The following HEPH variants were observed in gnomAD, a reference collection of about 807,000 sequenced individuals.
HEPH encodes the protein hephaestin.
HEPH carries 69 observed loss-of-function variants against 80.8 expected under a neutral mutation model. The observed-to-expected ratio is 0.85, with a 90% CI of 0.70 to 1.04. The LOEUF (loss-of-function observed/expected upper bound fraction) is 1.04. Ranked by LOEUF, HEPH falls within the 50% of genes least tolerant of loss-of-function variation. The probability of loss-of-function intolerance (pLI) is 0.00; values close to 1 mark genes in which losing one functional copy is unlikely to be tolerated. For missense variants in HEPH, 1,115 were observed against 891.3 expected, an observed-to-expected ratio of 1.25 and a Z score of -3.20; for synonymous variants, 431 against 322.8, an observed-to-expected ratio of 1.34 and a Z score of -3.60.
At position 66,170,710 on chromosome X, in the gene HEPH, T is replaced by A; in HGVS notation, c.140T>A (p.Ile47Asn). 1 of 1,210,122 alleles carries A rather than the reference T, an allele frequency of 8.3e-7. No homozygotes were observed. The highest frequency in any genetic ancestry group is 1.7e-5 in the African/African-American group (1 of 57,780). The part of the protein sequence containing the change: ...WNYAPKGRNV[I>N]TNQPLDSDIV... Reference sequence around the variant, plus strand: ...TATGCTCCCAAGGGAAGAAATGTCATCACGAACCAGCCTCTGGACAGTGAC... The same window carrying A: ...TATGCTCCCAAGGGAAGAAATGTCAACACGAACCAGCCTCTGGACAGTGAC... The change falls in exon 2 of 21, where the codon ATC becomes AAC. Residue 47 changes from isoleucine to asparagine, a missense_variant. This residue lies in a region of HEPH where 391 missense variants were observed against 343.6 expected (regional missense o/e 1.14). Transcript: ENST00000343002.
At chrX:66,181,599 G>T (rs1182575627) in intron 4 of HEPH, among the ~76,000 whole-genome samples, 4 of 9,171 alleles carry the variant, frequency 4.4e-4, no homozygotes, top group African/African-American at 1.5e-3. Flanking sequence ...CTGGATATTA[G>T]CCCTTTGTCA....
chrX:66,233,048 C>G (rs1020248493), intron 15 of HEPH, among the ~76,000 whole-genome samples: 4 of 110,617 alleles, frequency 3.6e-5, no homozygotes, highest in African/African-American at 1.3e-4. Context: ...TGATTATGAT[C>G]TAAGCAAAAA....
chrX:66,255,799 G>A (rs2091160008), intron 16 of HEPH, among the ~76,000 whole-genome samples: 1 of 111,373 alleles, frequency 9.0e-6, no homozygotes, highest in Admixed American at 9.5e-5. Flanking sequence ...ATGATGGAGA[G>A]GGCATTGCAG....
intron 20 of HEPH, 85 bp from the exon 21 acceptor site, chrX:66,266,355 G>GT (rs762091505): frequency 2.8e-6 from 2 of 707,224 alleles, no homozygotes; most frequent in South Asian, 5.3e-5. Context: ...GGATTGACTT[G>GT]TTTTTTTCAG....
intron 9 of HEPH, among the ~76,000 whole-genome samples, chrX:66,196,836 A>G (rs762936917): frequency 3.6e-5 from 4 of 109,830 alleles, no homozygotes; most frequent in Admixed American, 9.7e-5. Flanking sequence ...TATTGCATAT[A>G]TTATTCTACT....
chrX:66,257,645 C>T (rs780533270), intron 17 of HEPH, among the ~76,000 whole-genome samples: 1 of 112,191 alleles, frequency 8.9e-6, no homozygotes, highest in African/African-American at 3.2e-5. Context: ...GAGAATCATA[C>T]CCCACAGTGA....
chrX:66,254,074 G>A (rs2091092617), intron 15 of HEPH, among the ~76,000 whole-genome samples: 1 of 111,442 alleles, frequency 9.0e-6, no homozygotes, highest in South Asian at 3.8e-4. Flanking sequence ...TTTTAAAAGG[G>A]TGAATTGTAT....
At chrX:66,238,430 T>A (rs1450511490) in intron 15 of HEPH, among the ~76,000 whole-genome samples, 1 of 111,531 alleles carries the variant, frequency 9.0e-6, no homozygotes, top group Non-Finnish European at 1.9e-5. Flanking sequence ...TTTAAGAATG[T>A]TGAACTTGGG....
At chrX:66,224,748 A>G (rs955021899) in intron 15 of HEPH, among the ~76,000 whole-genome samples, 1 of 111,517 alleles carries the variant, frequency 9.0e-6, no homozygotes, top group Non-Finnish European at 1.9e-5. Context: ...ACCTTCAATT[A>G]CCAATTATAG....
intron 15 of HEPH, among the ~76,000 whole-genome samples, chrX:66,236,862 C>T (rs2090381398): frequency 9.0e-6 from 1 of 111,021 alleles, no homozygotes; most frequent in African/African-American, 3.3e-5. Flanking sequence ...GCGTATATGT[C>T]CAGAAATTTA....
chrX:66,190,074 A>G, intron 6 of HEPH, 136 bp downstream of exon 6: 1 of 641,340 alleles, frequency 1.6e-6, no homozygotes, highest in South Asian at 4.4e-5. Flanking sequence ...AGCACACTAG[A>G]TTAGAAGTCA....
intron 17 of HEPH, among the ~76,000 whole-genome samples, chrX:66,258,433 C>A (rs2091251179): frequency 9.0e-6 from 1 of 111,473 alleles, no homozygotes; most frequent in Non-Finnish European, 1.9e-5. Flanking sequence ...AAAGAACATG[C>A]ATGGACCATT....
At chrX:66,264,521 G>GTCCAAATAGTGTTGTTATTC (rs1318109733) in intron 20 of HEPH, among the ~76,000 whole-genome samples, 1 of 108,966 alleles carries the variant, frequency 9.2e-6, no homozygotes, top group African/African-American at 3.3e-5. Flanking sequence ...TGCAGCCCAG[G>GTCCAAATAGTGTTGTTATTC]TCCAAATAGT....
At chrX:66,193,864 A>G (rs2087944232) in intron 8 of HEPH, among the ~76,000 whole-genome samples, 1 of 112,018 alleles carries the variant, frequency 8.9e-6, no homozygotes, top group South Asian at 3.7e-4. Flanking sequence ...GATTTCTAGG[A>G]GCCTTAGGTT....
At chrX:66,210,850 G>T (rs1481440241) in intron 15 of HEPH, among the ~76,000 whole-genome samples, 1 of 111,451 alleles carries the variant, frequency 9.0e-6, no homozygotes, top group African/African-American at 3.3e-5. Flanking sequence ...CCTGGATGTT[G>T]GTACCACTCA....
In HEPH at chrX:66,203,527, C is replaced by T; in HGVS notation, c.2241C>T (p.Cys747=). ...IMAEEVEWDY[C]PDRSWEREWH... ...CAGAAGAAGTAGAGTGGGACTATTG[C>T]CCTGACCGGAGCTGGGAACGGGAAT... The change falls in exon 13 of 21, where the codon TGC becomes TGT. Residue 747 remains cysteine, a synonymous_variant. Transcript: ENST00000343002. 8.3e-7 allele frequency: 1 copy of T among 1,211,685 alleles called. No individual in the cohort carries two copies.
chrX:66,192,506 G>A (rs2087856506), intron 7 of HEPH, among the ~76,000 whole-genome samples: 2 of 111,353 alleles, frequency 1.8e-5, no homozygotes, highest in Admixed American at 9.5e-5. Flanking sequence ...TTTTTGTGGG[G>A]TTATTCCATA....
In HEPH at chrX:66,258,750, T is replaced by A. The variant is rs1310714761; in HGVS notation, c.2897-90T>A. The A allele has an allele frequency of 5.7e-6, 4 of 703,550 alleles. No homozygotes were observed. The East Asian group carries it at 1.6e-4, about 28-fold the overall frequency. The allele number at this position is 703,550 out of a possible 1,213,427, so 58.0% of individuals were successfully genotyped here. ...CATTGCTATCTTCGGTAAAAAAGAT[T>A]AGGCCTAGGATAGTGGAAATGGGAA... On this transcript the variant is annotated intron_variant, in intron 17 of 20. Transcript: ENST00000343002.
intron 15 of HEPH, among the ~76,000 whole-genome samples, chrX:66,248,552 T>G (rs970864640): frequency 4.5e-5 from 5 of 112,138 alleles, no homozygotes; most frequent in African/African-American, 1.6e-4. Flanking sequence ...CTTCTTTTAG[T>G]GAAAAGGTGA....
Sources: gnomAD v4.1 joint callset for allele counts (sites outside exome capture counted in the v4.1 genomes callset) on GRCh38, gnomAD v4.1.1 for gene constraint, gnomAD v4.1.1 regional missense constraint, MANE v1.5 for transcripts, NCBI Gene and HGNC (gene_info 2026-07-23, HGNC 2026-07-21) for gene names.